NIBAN1: variants seen among roughly 807,000 people sequenced by gnomAD.
The protein encoded by NIBAN1 is niban apoptosis regulator 1.
In NIBAN1, 81 loss-of-function variants were observed where a neutral mutation model predicts 75.1. The observed-to-expected ratio is 1.08, with a 90% CI of 0.90 to 1.30. NIBAN1 has a LOEUF of 1.30. Ranked by LOEUF, NIBAN1 falls within the 50% of genes most tolerant of loss-of-function variation. The pLI, the probability that NIBAN1 is intolerant of heterozygous loss-of-function variation, is 0.00. For missense variants in NIBAN1, 1,133 were observed against 1,128.1 expected (o/e 1.00, Z -0.06); for synonymous variants, 436 against 424.8 (o/e 1.03, Z -0.32).
chr1:184,962,435 T>C (rs1464571704), intron 1 of NIBAN1, among the ~76,000 whole-genome samples: 1 of 152,146 alleles, frequency 6.6e-6, no homozygotes, highest in African/African-American at 2.4e-5. Flanking sequence ...ATAAATATAA[T>C]ATTAAAAAGA....
Position 184,948,159 on chromosome 1 carries a change from T to C in NIBAN1, c.55+26143A>G, listed in dbSNP as rs1658276460. Reference sequence around the variant, plus strand: ...CCTTAGGAATAAGAATTATAGTCATTATATAAGCTTATGAATTTGTTTTCA... The same window carrying C: ...CCTTAGGAATAAGAATTATAGTCATCATATAAGCTTATGAATTTGTTTTCA... On this transcript the variant is annotated intron_variant, in intron 1 of 13. Transcript: ENST00000367511. 2.0e-5 allele frequency among the ~76,000 whole-genome samples: 3 copies of C among 152,364 alleles called. No homozygotes were observed. The South Asian group carries it at 6.2e-4, about 32-fold the overall frequency.
At chr1:184,809,160 A>G (rs1654294706) in intron 9 of NIBAN1, among the ~76,000 whole-genome samples, 1 of 152,192 alleles carries the variant, frequency 6.6e-6, no homozygotes, top group Non-Finnish European at 1.5e-5. Flanking sequence ...CTAGATTTCT[A>G]GATTTCTCTA....
intron 13 of NIBAN1, among the ~76,000 whole-genome samples, chr1:184,796,403 C>A (rs1429347873): frequency 1.3e-5 from 2 of 152,206 alleles, no homozygotes; most frequent in Admixed American, 6.5e-5. Context: ...GTAGTGTCAC[C>A]TGTATCCCTC....
At chr1:184,824,440 G>A (rs1159249227) in intron 6 of NIBAN1, among the ~76,000 whole-genome samples, 1 of 152,128 alleles carries the variant, frequency 6.6e-6, no homozygotes, top group Non-Finnish European at 1.5e-5. Flanking sequence ...AGATCAGCAA[G>A]GTTGTCTGCT....
At chr1:184,802,102 A>C (rs1371598800) in intron 12 of NIBAN1, among the ~76,000 whole-genome samples, 7 of 152,202 alleles carry the variant, frequency 4.6e-5, no homozygotes, top group Non-Finnish European at 7.4e-5. Context: ...CTTTAGCAAA[A>C]TAAAGACTCC....
chr1:184,885,726 C>T (rs2101971126), intron 4 of NIBAN1, among the ~76,000 whole-genome samples: 1 of 152,322 alleles, frequency 6.6e-6, no homozygotes, highest in Non-Finnish European at 1.5e-5. Context: ...TCCCCACCAG[C>T]TCCTGAAACC....
At chr1:184,912,243 C>A (rs567045352) in intron 1 of NIBAN1, among the ~76,000 whole-genome samples, 65 of 152,042 alleles carry the variant, frequency 4.3e-4, no homozygotes, top group African/African-American at 1.5e-3. Context: ...ACATATAGTA[C>A]AATTTATTTC....
chr1:184,909,059 C>A (rs1246858742), intron 1 of NIBAN1, among the ~76,000 whole-genome samples: 1 of 152,168 alleles, frequency 6.6e-6, no homozygotes, highest in East Asian at 1.9e-4. Flanking sequence ...CTTTTTGTGA[C>A]TAATCACAGT....
At chr1:184,806,720 T>C (rs2102194657) in intron 10 of NIBAN1, among the ~76,000 whole-genome samples, 1 of 151,804 alleles carries the variant, frequency 6.6e-6, no homozygotes, top group Admixed American at 6.6e-5. Context: ...AAAGTTCTCC[T>C]TTCTTCCCCA....
intron 10 of NIBAN1, among the ~76,000 whole-genome samples, chr1:184,806,762 CTTTTTTTTTTT>C (rs397863517): frequency 1.4e-4 from 18 of 131,204 alleles, no homozygotes; most frequent in African/African-American, 3.8e-4. Context: ...CAATATATAC[CTTTTTTTTTTT>C]TTTTTTTTTT....
At chr1:184,965,677 A>G (rs2102087846) in intron 1 of NIBAN1, among the ~76,000 whole-genome samples, 1 of 152,364 alleles carries the variant, frequency 6.6e-6, no homozygotes, top group East Asian at 1.9e-4. Flanking sequence ...AGGGAGGATC[A>G]GGAAAAATAA....
intron 2 of NIBAN1, 139 bp downstream of exon 2, chr1:184,899,038 TAG>T: frequency 1.1e-6 from 1 of 883,632 alleles, no homozygotes; most frequent in African/African-American, 1.7e-5. Context: ...TCCAGGCAAA[TAG>T]AGTTTTTTGA....
At chr1:184,804,176 C>T (rs1241939819) in intron 11 of NIBAN1, among the ~76,000 whole-genome samples, 2 of 152,190 alleles carry the variant, frequency 1.3e-5, no homozygotes, top group East Asian at 1.9e-4. Flanking sequence ...AGAAAGATGA[C>T]GATTCTGTCT....
At chr1:184,960,470 A>T (rs4651245) in intron 1 of NIBAN1, among the ~76,000 whole-genome samples, 3 of 152,000 alleles carry the variant, frequency 2.0e-5, no homozygotes, top group African/African-American at 4.8e-5. Flanking sequence ...TGCATTAAGC[A>T]AATATTTATC....
At chr1:184,859,687 G>A (rs1655766436) in intron 5 of NIBAN1, among the ~76,000 whole-genome samples, 2 of 151,986 alleles carry the variant, frequency 1.3e-5, no homozygotes, top group Non-Finnish European at 2.9e-5. Context: ...TTATTTTCAT[G>A]GTGCTATGAA....
chr1:184,960,194 A>G (rs370955164), intron 1 of NIBAN1, among the ~76,000 whole-genome samples: 2 of 152,224 alleles, frequency 1.3e-5, no homozygotes, highest in East Asian at 3.9e-4. Flanking sequence ...AATTAAATTA[A>G]TAACAATAAT....
At chr1:184,899,032 G>C in intron 2 of NIBAN1, 147 bp downstream of exon 2, 2 of 835,110 alleles carry the variant, frequency 2.4e-6, no homozygotes, top group Non-Finnish European at 3.7e-6. Flanking sequence ...CTAACTTCCA[G>C]GCAAATAGAG....
At chr1:184,876,235 G>A (rs1656231217) in intron 5 of NIBAN1, among the ~76,000 whole-genome samples, 1 of 151,402 alleles carries the variant, frequency 6.6e-6, no homozygotes, top group Non-Finnish European at 1.5e-5. Flanking sequence ...AAGAGAGGAG[G>A]CACAAGCAAA....
chr1:184,942,229 G>A (rs969142077), intron 1 of NIBAN1, among the ~76,000 whole-genome samples: 1 of 152,196 alleles, frequency 6.6e-6, no homozygotes, highest in African/African-American at 2.4e-5. Context: ...TAAACTATCA[G>A]AAAAAGAACT....
Sources: gnomAD v4.1 joint callset for allele counts (sites outside exome capture counted in the v4.1 genomes callset) on GRCh38, gnomAD v4.1.1 for gene constraint, MANE v1.5 for transcripts, NCBI Gene and HGNC (gene_info 2026-07-23, HGNC 2026-07-21) for gene names.